The following ZNF438 variants were observed in gnomAD, a reference collection of about 807,000 sequenced individuals.
ZNF438 encodes the protein zinc finger protein 438.
A neutral mutation model predicts 38.0 loss-of-function variants in ZNF438; 25 were observed. The ratio of observed to expected loss-of-function variants is 0.66; its 90% confidence interval spans 0.48 to 0.92. The LOEUF is 0.92. Ranked by LOEUF, ZNF438 falls within the 40% of genes least tolerant of loss-of-function variation. ZNF438 has a pLI of 0.00. For synonymous variants in ZNF438, 372 were observed against 364.1 expected (o/e 1.02, Z -0.25); for missense variants, 1,007 against 999.6 (o/e 1.01, Z -0.10).
chr10:30,852,663 T>C (rs2033882519), intron 4 of ZNF438, among the ~76,000 whole-genome samples: 1 of 152,210 alleles, frequency 6.6e-6, no homozygotes, highest in Non-Finnish European at 1.5e-5. Context: ...AAAGTAATTG[T>C]TTTGCAAAGA....
intron 3 of ZNF438, among the ~76,000 whole-genome samples, chr10:30,887,222 T>A (rs2040065434): frequency 1.3e-5 from 2 of 152,230 alleles, no homozygotes; most frequent in Admixed American, 1.3e-4. Flanking sequence ...AAACAGCTTT[T>A]CATATCCTAC....
intron 2 of ZNF438, among the ~76,000 whole-genome samples, chr10:30,936,498 A>C (rs2135416152): frequency 6.6e-6 from 1 of 152,200 alleles, no homozygotes; most frequent in Non-Finnish European, 1.5e-5. Context: ...AGATGGTGAA[A>C]CCCCGTCTCT....
chr10:30,973,625 C>G (rs556196055), intron 1 of ZNF438, among the ~76,000 whole-genome samples: 1 of 152,298 alleles, frequency 6.6e-6, no homozygotes, highest in Non-Finnish European at 1.5e-5. Flanking sequence ...CTCCCACCCC[C>G]GGAAGCTCTT....
intron 4 of ZNF438, among the ~76,000 whole-genome samples, chr10:30,874,112 G>GTATATATATA (rs2037980293): frequency 8.3e-5 from 3 of 36,072 alleles, no homozygotes; most frequent in Non-Finnish European, 1.6e-4. Flanking sequence ...GGGTGTGTGT[G>GTATATATATA]TGTATATATA....
intron 1 of ZNF438, among the ~76,000 whole-genome samples, chr10:30,981,100 C>T (rs866848604): frequency 8.5e-5 from 13 of 152,138 alleles, no homozygotes; most frequent in Non-Finnish European, 1.5e-4. Context: ...CCAGGAGGCA[C>T]GTGGAGAGCA....
intron 2 of ZNF438, among the ~76,000 whole-genome samples, chr10:30,914,980 A>T (rs1029142452): frequency 1.3e-5 from 2 of 152,200 alleles, no homozygotes; most frequent in African/African-American, 4.8e-5. Context: ...TACAAAGCTC[A>T]AAACTTGTTT....
intron 1 of ZNF438, among the ~76,000 whole-genome samples, chr10:30,982,180 C>A (rs769676190): frequency 1.3e-5 from 2 of 151,058 alleles, no homozygotes; most frequent in Non-Finnish European, 1.5e-5. Flanking sequence ...CGGCTCACTG[C>A]GAACTCCGCC....
chr10:30,931,265 C>G (rs2045663220), intron 2 of ZNF438, among the ~76,000 whole-genome samples: 1 of 152,156 alleles, frequency 6.6e-6, no homozygotes, highest in Non-Finnish European at 1.5e-5. Flanking sequence ...ATAATGAAAC[C>G]AGCAGAGGAA....
intron 2 of ZNF438, among the ~76,000 whole-genome samples, chr10:30,925,891 A>G (rs1040673614): frequency 6.6e-6 from 1 of 152,340 alleles, no homozygotes; most frequent in South Asian, 2.1e-4. Context: ...GGGTACATTT[A>G]TCATAATAGC....
chr10:30,888,837 G>A (rs553490760), intron 3 of ZNF438, among the ~76,000 whole-genome samples: 15 of 152,292 alleles, frequency 9.8e-5, no homozygotes, highest in African/African-American at 3.6e-4. Flanking sequence ...ATGAACATAT[G>A]TCTGCATATG....
intron 3 of ZNF438, among the ~76,000 whole-genome samples, chr10:30,906,555 C>T (rs1003552131): frequency 4.6e-5 from 7 of 152,136 alleles, no homozygotes; most frequent in African/African-American, 1.4e-4. Context: ...AATCTGGATG[C>T]TTTTCTTTTT....
chr10:30,856,902 C>T (rs908349842), intron 4 of ZNF438, among the ~76,000 whole-genome samples: 2 of 152,118 alleles, frequency 1.3e-5, no homozygotes, highest in African/African-American at 4.8e-5. Context: ...AGAAATTGAT[C>T]TAGCTGGGAT....
intron 3 of ZNF438, among the ~76,000 whole-genome samples, chr10:30,896,074 G>A (rs1398875654): frequency 6.6e-6 from 1 of 151,964 alleles, no homozygotes; most frequent in African/African-American, 2.4e-5. Context: ...GGCCGAGAGG[G>A]GCAGATCATG....
At chr10:30,998,146 A>G (rs1363418492) in intron 1 of ZNF438, among the ~76,000 whole-genome samples, 1 of 152,192 alleles carries the variant, frequency 6.6e-6, no homozygotes, top group Non-Finnish European at 1.5e-5. Context: ...AGGGAATTTG[A>G]GAGTTTCAGC....
chr10:31,007,276 GTTTT>G (rs60434764), intron 1 of ZNF438, among the ~76,000 whole-genome samples: 2 of 112,372 alleles, frequency 1.8e-5, no homozygotes, highest in South Asian at 2.8e-4. Context: ...TTTTTTTGGT[GTTTT>G]TTTTTTTTTT....
chr10:30,905,477 C>A (rs780764359), intron 3 of ZNF438, among the ~76,000 whole-genome samples: 1 of 152,280 alleles, frequency 6.6e-6, no homozygotes, highest in East Asian at 1.9e-4. Context: ...TGAGTTGTAA[C>A]AGTTCTTTAT....
intron 1 of ZNF438, among the ~76,000 whole-genome samples, chr10:31,013,645 TC>T (rs1279427204): frequency 2.6e-5 from 4 of 152,094 alleles, no homozygotes; most frequent in Non-Finnish European, 4.4e-5. Context: ...GAAAGAAACT[TC>T]CCGCTCAAAG....
intron 1 of ZNF438, among the ~76,000 whole-genome samples, chr10:30,989,089 C>T (rs1554903283): frequency 6.6e-6 from 1 of 152,176 alleles, no homozygotes; most frequent in Non-Finnish European, 1.5e-5. Flanking sequence ...TTCCAGCCTA[C>T]TAGCCTATTT....
At chr10:30,974,628 T>C (rs1490482906) in intron 1 of ZNF438, among the ~76,000 whole-genome samples, 2 of 152,206 alleles carry the variant, frequency 1.3e-5, no homozygotes, top group Non-Finnish European at 2.9e-5. Flanking sequence ...ATGTGAGCCA[T>C]ATATGATTCC....
Sources: gnomAD v4.1 joint callset for allele counts (sites outside exome capture counted in the v4.1 genomes callset) on GRCh38, gnomAD v4.1.1 for gene constraint, MANE v1.5 for transcripts, NCBI Gene and HGNC (gene_info 2026-07-23, HGNC 2026-07-21) for gene names.